NEK1: variants seen among roughly 807,000 people sequenced by gnomAD.
NEK1 encodes NIMA related kinase 1, also known as serine/threonine-protein kinase Nek1.
In NEK1, 137 loss-of-function variants were observed where a neutral mutation model predicts 182.1. That is an observed-to-expected ratio of 0.75 (90% CI 0.65 to 0.87). The LOEUF (loss-of-function observed/expected upper bound fraction) is 0.87, where lower values mean the gene tolerates loss of function less well. NEK1 is among the 40% of genes least tolerant of loss of function. The probability of loss-of-function intolerance (pLI) is 0.00; values close to 1 mark genes in which losing one functional copy is unlikely to be tolerated. For missense variants in NEK1, 1,391 were observed against 1,494.4 expected, an observed-to-expected ratio of 0.93 and a Z score of 1.14; for synonymous variants, 513 against 492.2, an observed-to-expected ratio of 1.04 and a Z score of -0.56.
intron 27 of NEK1, among the ~76,000 whole-genome samples, chr4:169,458,449 C>T (rs577178615): frequency 2.0e-5 from 3 of 152,134 alleles, no homozygotes; most frequent in East Asian, 1.9e-4. Context: ...AAAACTAGGC[C>T]GGGTGCAGTG....
At chr4:169,488,317 C>T (rs1749423887) in intron 23 of NEK1, among the ~76,000 whole-genome samples, 1 of 152,110 alleles carries the variant, frequency 6.6e-6, no homozygotes, top group African/African-American at 2.4e-5. Context: ...TTTACATTTA[C>T]ATCTTTAATC....
intron 5 of NEK1, among the ~76,000 whole-genome samples, chr4:169,591,310 A>G (rs193182013): frequency 1.3e-5 from 2 of 151,952 alleles, no homozygotes; most frequent in East Asian, 3.9e-4. Context: ...ACGAGCAGCT[A>G]GTTTTTTATT....
chr4:169,596,945 T>C (rs949869570), intron 5 of NEK1, among the ~76,000 whole-genome samples: 1 of 151,840 alleles, frequency 6.6e-6, no homozygotes, highest in African/African-American at 2.4e-5. Flanking sequence ...ACTATACAAA[T>C]CTCCATAATA....
Position 169,556,069 on chromosome 4 carries a change from A to T in NEK1, c.1293T>A (p.Thr431=). 1.2e-6 allele frequency: 2 copies of T among 1,613,238 alleles called. No individual in the cohort carries two copies. The highest frequency in any genetic ancestry group is 1.7e-6 in the Non-Finnish European group (2 of 1,179,518). ...VKAPFLGSGG[T]IAPSSFSSRG... ...GAGAAGAAAAAGATGATGGAGCTAT[A>T]GTCCCTCCACTGCCCAGAAAAGGAG... The change falls in exon 17 of 36, where the codon ACT becomes ACA. Residue 431 remains threonine (T), a synonymous_variant. Coordinates refer to ENST00000507142, the MANE Select transcript of NEK1 (RefSeq NM_001199397.3).
chr4:169,451,219 C>G (rs1243920106), intron 27 of NEK1, among the ~76,000 whole-genome samples: 1 of 152,090 alleles, frequency 6.6e-6, no homozygotes, highest in Non-Finnish European at 1.5e-5. Context: ...CAATATTAGA[C>G]AGATCAACGA....
intron 30 of NEK1, among the ~76,000 whole-genome samples, chr4:169,425,221 G>A (rs1209322656): frequency 1.3e-5 from 2 of 151,880 alleles, no homozygotes; most frequent in Non-Finnish European, 2.9e-5. Flanking sequence ...GAGGCCAGGA[G>A]TTTGAAACCA....
rs755410424 is a variant in NEK1 at position 169,576,957 on chromosome 4, C to T, written c.991G>A (p.Glu331Lys). 11 of 1,609,488 alleles carry T rather than the reference C, an allele frequency of 6.8e-6. No individual in the cohort carries two copies. The highest frequency in any genetic ancestry group is 3.3e-5 in the South Asian group (3 of 90,732). The change falls in exon 12 of 36, where the codon GAA (glutamate) becomes AAA (lysine). Residue 331 changes from glutamate (E) to lysine (K), a missense_variant. Coordinates refer to ENST00000507142, the MANE Select transcript of NEK1 (RefSeq NM_001199397.3). Reference protein sequence around the residue: ...YKKYGDKKLHEKKPLQKHKQA... With the variant: ...YKKYGDKKLHKKKPLQKHKQA... The stretch of plus-strand genomic sequence containing the variant: ...TTATGTTTTTGCAGTGGTTTCTTTT[C>T]GTGTAATTTTTTATCTCCATATTTC...
At chr4:169,401,010 C>T (rs1004485736) in intron 33 of NEK1, among the ~76,000 whole-genome samples, 8 of 151,824 alleles carry the variant, frequency 5.3e-5, no homozygotes, top group East Asian at 3.9e-4. Context: ...GTAATAAACA[C>T]GGGAAACACC....
chr4:169,450,916 G>A (rs538893959), intron 27 of NEK1, among the ~76,000 whole-genome samples: 9 of 152,154 alleles, frequency 5.9e-5, no homozygotes, highest in African/African-American at 2.2e-4. Flanking sequence ...ATGCACATAG[G>A]CTCAAAATAA....
intron 16 of NEK1, among the ~76,000 whole-genome samples, chr4:169,560,077 T>C (rs1043031504): frequency 6.6e-6 from 1 of 152,244 alleles, no homozygotes; most frequent in Non-Finnish European, 1.5e-5. Flanking sequence ...TCATCTTCTA[T>C]TGCTGTATAA....
At chr4:169,579,201 C>T (rs1030502083) in intron 11 of NEK1, among the ~76,000 whole-genome samples, 12 of 152,110 alleles carry the variant, frequency 7.9e-5, no homozygotes, top group Non-Finnish European at 1.2e-4. Context: ...GGACTGGAGG[C>T]GACAAAGTAT....
At chr4:169,530,292 T>C (rs1580501585) in intron 19 of NEK1, among the ~76,000 whole-genome samples, 1 of 152,292 alleles carries the variant, frequency 6.6e-6, no homozygotes. Flanking sequence ...GTGCAGACAG[T>C]TTCCCACTTA....
chr4:169,590,047 C>A (rs1017691066), intron 6 of NEK1, among the ~76,000 whole-genome samples: 1 of 152,142 alleles, frequency 6.6e-6, no homozygotes. Flanking sequence ...GTGGCTCACA[C>A]CTGTAATCCC....
chr4:169,430,248 T>A (rs1003533313), intron 29 of NEK1, among the ~76,000 whole-genome samples: 3 of 152,128 alleles, frequency 2.0e-5, no homozygotes, highest in African/African-American at 7.2e-5. Context: ...AGTGGCGCAA[T>A]CTTGGCTCAC....
chr4:169,410,196 T>G (rs1033444064), intron 31 of NEK1, among the ~76,000 whole-genome samples: 2 of 149,214 alleles, frequency 1.3e-5, no homozygotes, highest in East Asian at 3.9e-4. Flanking sequence ...ATGTACAGTA[T>G]TTTTTTTTTC....
chr4:169,496,478 T>G (rs1372888132), intron 23 of NEK1, among the ~76,000 whole-genome samples: 2 of 151,378 alleles, frequency 1.3e-5, no homozygotes, highest in Non-Finnish European at 2.9e-5. Flanking sequence ...CCCTGTCTTG[T>G]GCCAGTTTTC....
At chr4:169,562,081 C>A (rs1368910159) in intron 13 of NEK1, 56 bp downstream of exon 13, 3 of 1,365,480 alleles carry the variant, frequency 2.2e-6, no homozygotes, top group Non-Finnish European at 3.0e-6. Flanking sequence ...GATTTTGTTT[C>A]TTTTTTAAAA....
intron 2 of NEK1, among the ~76,000 whole-genome samples, chr4:169,606,744 G>A (rs559032247): frequency 6.6e-6 from 1 of 152,152 alleles, no homozygotes; most frequent in Non-Finnish European, 1.5e-5. Context: ...ATAATAAATC[G>A]TGAGACTCTC....
chr4:169,453,152 G>A (rs1322239464), intron 27 of NEK1, among the ~76,000 whole-genome samples: 4 of 152,152 alleles, frequency 2.6e-5, no homozygotes, highest in African/African-American at 7.2e-5. Flanking sequence ...ACTGCTCAAC[G>A]AAATAAAAGA....
Sources: allele counts gnomAD v4.1 joint callset (sites outside exome capture counted in the v4.1 genomes callset), GRCh38; gene constraint gnomAD v4.1.1; transcripts MANE v1.5; gene names NCBI Gene and HGNC (gene_info 2026-07-23, HGNC 2026-07-21).